Variants in CCDC73 observed in about 807,000 individuals in gnomAD.
The protein encoded by CCDC73 is coiled-coil domain containing 73, also known as coiled-coil domain-containing protein 73.
CCDC73 carries 95 observed loss-of-function variants against 116.5 expected under a neutral mutation model. The ratio of observed to expected loss-of-function variants is 0.82; its 90% CI spans 0.69 to 0.97. The LOEUF (loss-of-function observed/expected upper bound fraction) is 0.97, where lower values mean the gene tolerates loss of function less well. Among genes scored for constraint, CCDC73 ranks in the 50% least tolerant of loss-of-function variants. The probability of loss-of-function intolerance (pLI) is 0.00; values close to 1 mark genes in which losing one functional copy is unlikely to be tolerated. For missense variants in CCDC73, 1,066 were observed against 1,206.8 expected (o/e 0.88, Z 1.73); for synonymous variants, 398 against 401.3 (o/e 0.99, Z 0.10).
At chr11:32,761,657 G>A (rs1165804241) in intron 1 of CCDC73, among the ~76,000 whole-genome samples, 2 of 152,134 alleles carry the variant, frequency 1.3e-5, no homozygotes, top group African/African-American at 2.4e-5. Context: ...ATACTAATAA[G>A]CATTCTCCAG....
intron 1 of CCDC73, among the ~76,000 whole-genome samples, chr11:32,789,625 T>G (rs985599065): frequency 6.6e-6 from 1 of 151,836 alleles, no homozygotes; most frequent in African/African-American, 2.4e-5. Flanking sequence ...ACAAAAAAAT[T>G]CGCTGGGTGT....
intron 13 of CCDC73, among the ~76,000 whole-genome samples, chr11:32,637,304 C>G (rs952241760): frequency 6.6e-6 from 1 of 152,082 alleles, no homozygotes; most frequent in South Asian, 2.1e-4. Context: ...AGTCACTGAG[C>G]CTGGCCCTGT....
intron 2 of CCDC73, among the ~76,000 whole-genome samples, chr11:32,718,633 T>C (rs1476720473): frequency 6.6e-6 from 1 of 152,056 alleles, no homozygotes; most frequent in Non-Finnish European, 1.5e-5. Flanking sequence ...CAAACCATCT[T>C]CCCTATTTCC....
At chr11:32,772,097 T>C (rs1180312822) in intron 1 of CCDC73, among the ~76,000 whole-genome samples, 1 of 152,088 alleles carries the variant, frequency 6.6e-6, no homozygotes. Context: ...TCCAACAAAC[T>C]CACGAAATTA....
intron 3 of CCDC73, among the ~76,000 whole-genome samples, chr11:32,715,395 T>C (rs1590609640): frequency 6.6e-6 from 1 of 152,132 alleles, no homozygotes; most frequent in Non-Finnish European, 1.5e-5. Context: ...GTTGGTGTGT[T>C]CAGAAGTGTA....
At chr11:32,695,823 T>G (rs534594985) in intron 6 of CCDC73, among the ~76,000 whole-genome samples, 5 of 151,472 alleles carry the variant, frequency 3.3e-5, no homozygotes, top group South Asian at 2.1e-4. Context: ...TTTAAGTTTT[T>G]TTTTTGTTTT....
chr11:32,696,148 T>G (rs1479651928), intron 6 of CCDC73, among the ~76,000 whole-genome samples: 1 of 152,178 alleles, frequency 6.6e-6, no homozygotes, highest in East Asian at 1.9e-4. Flanking sequence ...CCTCAACTTC[T>G]TGCTACATCA....
At chr11:32,816,775 CT>C in the CCDC73 span, among the ~76,000 whole-genome samples, 2 of 152,040 alleles carry the variant, frequency 1.3e-5, no homozygotes, top group South Asian at 2.1e-4. Context: ...GGTTTTCTTT[CT>C]TTTTTTCTTT....
intron 2 of CCDC73, among the ~76,000 whole-genome samples, chr11:32,739,548 T>C (rs1287315622): frequency 6.6e-6 from 1 of 152,198 alleles, no homozygotes; most frequent in Non-Finnish European, 1.5e-5. Context: ...GATGATTTTG[T>C]ATTCTGCAAC....
At chr11:32,768,757 G>A (rs1048741273) in intron 1 of CCDC73, among the ~76,000 whole-genome samples, 1 of 152,064 alleles carries the variant, frequency 6.6e-6, no homozygotes, top group Admixed American at 6.6e-5. Flanking sequence ...AGGTGGAAGG[G>A]TCACTTGAGA....
chr11:32,785,299 A>T (rs1850618393), intron 1 of CCDC73, among the ~76,000 whole-genome samples: 1 of 152,226 alleles, frequency 6.6e-6, no homozygotes, highest in African/African-American at 2.4e-5. Context: ...CCAGATTACA[A>T]TGTGAAATGT....
intron 9 of CCDC73, among the ~76,000 whole-genome samples, chr11:32,659,272 C>T (rs1855900846): frequency 6.6e-6 from 1 of 151,926 alleles, no homozygotes; most frequent in Non-Finnish European, 1.5e-5. Flanking sequence ...CAATGTGTGA[C>T]CTGTTAACCC....
chr11:32,811,074 C>CAA, the CCDC73 span, among the ~76,000 whole-genome samples: 1,286 of 33,354 alleles, frequency 0.039, 10 homozygotes, highest in African/African-American at 0.17. Flanking sequence ...ACAACAACAA[C>CAA]AACAAAAAAA....
At chr11:32,752,145 A>C (rs1427806956) in intron 2 of CCDC73, among the ~76,000 whole-genome samples, 1 of 152,202 alleles carries the variant, frequency 6.6e-6, no homozygotes, top group Non-Finnish European at 1.5e-5. Context: ...CCAGTGTGAG[A>C]GTACTTACCA....
Position 32,614,539 on chromosome 11 carries a change from T to C in CCDC73, c.1779A>G (p.Lys593=). 1 of 1,613,138 alleles carries C rather than the reference T, an allele frequency of 6.2e-7. No individual in the cohort carries two copies. Among genetic ancestry groups the C allele is most frequent in the Non-Finnish European group, 8.5e-7 (1 of 1,179,382 alleles). ...TGAATGGCTCATTTTCAGAAACATC[T>C]TTATTATTATTGTGATATGTATTGT... ...TAHNTYHNNN[K]DVSENEPFKQ... Residue 593 remains lysine, a synonymous_variant, in exon 16 of 18, where the codon AAA becomes AAG. Coordinates refer to ENST00000335185, the MANE Select transcript of CCDC73 (RefSeq NM_001008391.4).
intron 2 of CCDC73, among the ~76,000 whole-genome samples, chr11:32,724,993 A>G (rs1850018842): frequency 6.6e-6 from 1 of 152,158 alleles, no homozygotes; most frequent in African/African-American, 2.4e-5. Flanking sequence ...TAAACATTCA[A>G]TTTTTTTCAA....
intron 14 of CCDC73, among the ~76,000 whole-genome samples, chr11:32,627,142 A>T (rs1296139386): frequency 6.6e-6 from 1 of 152,236 alleles, no homozygotes; most frequent in Non-Finnish European, 1.5e-5. Flanking sequence ...AAACAACCCC[A>T]TCAACAAGTG....
At chr11:32,670,305 A>G (rs908591006) in intron 9 of CCDC73, among the ~76,000 whole-genome samples, 9 of 152,074 alleles carry the variant, frequency 5.9e-5, no homozygotes, top group African/African-American at 1.7e-4. Context: ...GGCGGATTAC[A>G]AGGTCAGGAG....
chr11:32,683,482 A>G, intron 7 of CCDC73, 54 bp downstream of exon 7: 1 of 1,122,006 alleles, frequency 8.9e-7, no homozygotes, highest in South Asian at 1.2e-5. Context: ...AAAAACACCA[A>G]TCCCCCTAAG....
Sources: gnomAD v4.1 joint callset for allele counts (sites outside exome capture counted in the v4.1 genomes callset) on GRCh38, gnomAD v4.1.1 for gene constraint, MANE v1.5 for transcripts, NCBI Gene and HGNC (gene_info 2026-07-23, HGNC 2026-07-21) for gene names.